TNFRSF19: variants seen among roughly 807,000 people sequenced by gnomAD.
The protein encoded by TNFRSF19 is tumor necrosis factor receptor superfamily member 19.
Under a neutral mutation model 46.4 loss-of-function variants are expected in TNFRSF19, and 27 were observed. The observed-to-expected ratio is 0.58, with a 90% CI of 0.43 to 0.80. The LOEUF (loss-of-function observed/expected upper bound fraction) is 0.80, where lower values mean the gene tolerates loss of function less well. Ranked by LOEUF, TNFRSF19 falls within the 30% of genes least tolerant of loss-of-function variation. The pLI, the probability that TNFRSF19 is intolerant of heterozygous loss-of-function variation, is 0.00. For synonymous variants in TNFRSF19, 204 were observed against 205.0 expected (o/e 1.00, Z 0.04); for missense variants, 511 against 530.8 (o/e 0.96, Z 0.37).
At chr13:23,663,859 C>T (rs1469383152) in intron 7 of TNFRSF19, among the ~76,000 whole-genome samples, 2 of 152,080 alleles carry the variant, frequency 1.3e-5, no homozygotes, top group African/African-American at 4.8e-5. Flanking sequence ...GGTAACATCC[C>T]TTTTGTAGTT....
At chr13:23,599,854 C>G (rs1880008710) in intron 3 of TNFRSF19, among the ~76,000 whole-genome samples, 1 of 151,534 alleles carries the variant, frequency 6.6e-6, no homozygotes, top group Non-Finnish European at 1.5e-5. Context: ...CTGTCCTGAA[C>G]TAGTTTTTCA....
intron 7 of TNFRSF19, among the ~76,000 whole-genome samples, chr13:23,666,138 C>A (rs552870918): frequency 6.6e-6 from 1 of 152,318 alleles, no homozygotes; most frequent in South Asian, 2.1e-4. Context: ...GTCAGGGTAA[C>A]CTTGGTCACT....
At chr13:23,624,917 A>AT (rs1881894995) in intron 4 of TNFRSF19, among the ~76,000 whole-genome samples, 1 of 150,450 alleles carries the variant, frequency 6.6e-6, no homozygotes, top group Non-Finnish European at 1.5e-5. Context: ...TGCCCAGCTA[A>AT]TTTTTTGTAT....
intron 1 of TNFRSF19, among the ~76,000 whole-genome samples, chr13:23,581,758 A>G (rs1339213595): frequency 6.6e-6 from 1 of 152,146 alleles, no homozygotes; most frequent in African/African-American, 2.4e-5. Context: ...ACCTATTGCA[A>G]TCTCTGAACC....
At chr13:23,628,613 T>C (rs1460968582) in intron 5 of TNFRSF19, among the ~76,000 whole-genome samples, 2 of 152,174 alleles carry the variant, frequency 1.3e-5, no homozygotes, top group Non-Finnish European at 2.9e-5. Flanking sequence ...CTCTGAGGCT[T>C]TGGGATTTTC....
chr13:23,658,989 C>T (rs989595478), intron 5 of TNFRSF19, 61 bp from the exon 6 acceptor site: 169 of 1,606,156 alleles, frequency 1.1e-4, no homozygotes, highest in Admixed American at 2.3e-4. Flanking sequence ...CTGCCAGCTT[C>T]GCCATAAACA....
chr13:23,580,527 C>T (rs1428308551), intron 1 of TNFRSF19, among the ~76,000 whole-genome samples: 2 of 152,248 alleles, frequency 1.3e-5, no homozygotes, highest in African/African-American at 2.4e-5. Context: ...GATTACATTG[C>T]GTTACTTCAG....
intron 5 of TNFRSF19, among the ~76,000 whole-genome samples, chr13:23,633,559 AT>A (rs1882485159): frequency 6.6e-6 from 1 of 151,750 alleles, no homozygotes; most frequent in African/African-American, 2.4e-5. Context: ...GCTCAAAACA[AT>A]AGCTGGGGCT....
intron 1 of TNFRSF19, among the ~76,000 whole-genome samples, chr13:23,574,731 G>A (rs1289476934): frequency 6.6e-6 from 1 of 152,180 alleles, no homozygotes; most frequent in African/African-American, 2.4e-5. Flanking sequence ...CCACCTGGGT[G>A]AGCTCTGTGA....
At chr13:23,626,667 A>G (rs1220920474) in intron 4 of TNFRSF19, 40 bp from the exon 5 acceptor site, 1 of 1,594,682 alleles carries the variant, frequency 6.3e-7, no homozygotes, top group Non-Finnish European at 8.6e-7. Context: ...GTAAGCTTAG[A>G]TGAAAGAGTT....
At position 23,673,608 on chromosome 13, in the gene TNFRSF19, T is replaced by A; in HGVS notation, c.*228T>A. The A allele has an allele frequency of 8.3e-7, 1 of 1,202,744 alleles. No homozygotes were observed. The allele number at this position is 1,202,744 out of a possible 1,614,324, so 74.5% of individuals were successfully genotyped here. A position where few individuals can be genotyped will look rare whatever the true frequency, so the allele number is the denominator to read the frequency against. On this transcript the variant is annotated 3_prime_UTR_variant, in exon 10 of 10. Transcript: ENST00000248484. ...GAAAAGACTCCAGGCCGACTCATGA[T>A]ACTCTGCATCTTTCCTACATGAGAA...
At chr13:23,655,291 C>T (rs529973820) in intron 5 of TNFRSF19, among the ~76,000 whole-genome samples, 2 of 152,216 alleles carry the variant, frequency 1.3e-5, no homozygotes, top group Non-Finnish European at 2.9e-5. Flanking sequence ...TAAAAGTGAA[C>T]CCATGTAATG....
chr13:23,645,208 T>TA (rs1883260830), intron 5 of TNFRSF19, among the ~76,000 whole-genome samples: 1 of 152,214 alleles, frequency 6.6e-6, no homozygotes, highest in Non-Finnish European at 1.5e-5. Context: ...TGATGTAGCC[T>TA]ACCTTTATTT....
chr13:23,611,522 T>C (rs1880910004), intron 3 of TNFRSF19, among the ~76,000 whole-genome samples: 1 of 151,984 alleles, frequency 6.6e-6, no homozygotes, highest in Admixed American at 6.5e-5. Context: ...TTTAGCCAGG[T>C]TTTTGGGAAA....
chr13:23,588,859 G>T (rs968927453), intron 1 of TNFRSF19, among the ~76,000 whole-genome samples: 1 of 152,208 alleles, frequency 6.6e-6, no homozygotes, highest in Non-Finnish European at 1.5e-5. Context: ...CTTCAAATGG[G>T]TCATTCACTC....
At position 23,675,248 on chromosome 13, in the gene TNFRSF19, G is replaced by A. The variant is rs1951812241; in HGVS notation, c.*1868G>A. The A allele has an allele frequency of 6.6e-6, 1 of 152,134 alleles. No individual in the cohort carries two copies. The highest frequency in any genetic ancestry group is 1.9e-4 in the East Asian group (1 of 5,202). 9.4% of individuals were successfully genotyped at this position (152,134 alleles called of 1,614,324 possible). A position where few individuals can be genotyped will look rare whatever the true frequency, so the allele number is the denominator to read the frequency against. ...CATACGTGCCACTGTTTGAAATCTG[G>A]TCTGTTTGCATTTCTGTTATGACAG... On this transcript the variant is annotated 3_prime_UTR_variant, in exon 10 of 10. Coordinates refer to ENST00000248484, the MANE Select transcript of TNFRSF19 (RefSeq NM_148957.4).
At chr13:23,667,925 A>C in intron 7 of TNFRSF19, 55 bp from the exon 8 acceptor site, 2 of 1,446,462 alleles carry the variant, frequency 1.4e-6, no homozygotes, top group Non-Finnish European at 1.9e-6. Context: ...GTGTTATTAA[A>C]GTGAAAGCTG....
intron 3 of TNFRSF19, among the ~76,000 whole-genome samples, chr13:23,614,123 A>G (rs1245085043): frequency 6.6e-6 from 1 of 152,154 alleles, no homozygotes; most frequent in Non-Finnish European, 1.5e-5. Flanking sequence ...TGCCTCTGAT[A>G]TAGAACATTG....
chr13:23,603,410 TATACTC>T (rs1042677543), intron 3 of TNFRSF19, among the ~76,000 whole-genome samples: 6 of 151,968 alleles, frequency 3.9e-5, no homozygotes, highest in African/African-American at 1.4e-4. Flanking sequence ...AAGAAGAAAT[TATACTC>T]ATTATCCACA....
Sources: gnomAD v4.1 joint callset for allele counts (sites outside exome capture counted in the v4.1 genomes callset) on GRCh38, gnomAD v4.1.1 for gene constraint, MANE v1.5 for transcripts, NCBI Gene and HGNC (gene_info 2026-07-23, HGNC 2026-07-21) for gene names.